Variants in PRKAR1A observed in about 807,000 individuals in gnomAD.
The protein encoded by PRKAR1A is cAMP-dependent protein kinase type I-alpha regulatory subunit.
In PRKAR1A, 3 loss-of-function variants were observed where a neutral mutation model predicts 52.0. That is an observed-to-expected ratio of 0.06 (90% CI 0.03 to 0.15). The LOEUF (loss-of-function observed/expected upper bound fraction) is 0.15. PRKAR1A is among the 10% of genes least tolerant of loss of function. The pLI is 1.00. For missense variants in PRKAR1A, 240 were observed against 477.4 expected (o/e 0.50, Z 4.63); for synonymous variants, 188 against 168.4 (o/e 1.12, Z -0.90).
downstream of PRKAR1A, among the ~76,000 whole-genome samples, chr17:68,534,391 A>T (rs1158526331): frequency 6.6e-6 from 1 of 152,146 alleles, no homozygotes. Flanking sequence ...CTACTTGCTA[A>T]ACTTTATTTG....
downstream of PRKAR1A, chr17:68,536,707 A>G (rs940475689): frequency 8.8e-6 from 4 of 453,828 alleles, no homozygotes; most frequent in East Asian, 2.8e-4. Context: ...GCCTGTTCCC[A>G]TGCCATCCTG....
intron 2 of PRKAR1A, among the ~76,000 whole-genome samples, chr17:68,519,181 A>G (rs11867767): frequency 0.31 from 46,755 of 151,976 alleles, 7,514 homozygotes; most frequent in East Asian, 0.56. Flanking sequence ...ATTTTTGGGT[A>G]TCCTTGTAAC....
At chr17:68,489,235 GTATATA>G in the PRKAR1A span, among the ~76,000 whole-genome samples, 1,109 of 10,004 alleles carry the variant, frequency 0.11, 193 homozygotes, top group African/African-American at 0.15. Flanking sequence ...TATATGGAAA[GTATATA>G]TATATATATA....
At chr17:68,533,775 C>T (rs965552800), downstream of PRKAR1A, among the ~76,000 whole-genome samples, 2 of 152,178 alleles carry the variant, frequency 1.3e-5, no homozygotes, top group African/African-American at 4.8e-5. Flanking sequence ...CTCTGTCACC[C>T]AGGCTAGAGT....
At chr17:68,478,018 T>A in the PRKAR1A span, among the ~76,000 whole-genome samples, 1 of 152,240 alleles carries the variant, frequency 6.6e-6, no homozygotes, top group African/African-American at 2.4e-5. Flanking sequence ...CCGCTGTGCC[T>A]GGCCTGGATT....
the PRKAR1A span, chr17:68,434,466 C>T: frequency 7.5e-7 from 1 of 1,335,726 alleles, no homozygotes. Context: ...GGGCACAGAG[C>T]CACTCTCTGT....
chr17:68,475,838 C>A, the PRKAR1A span, among the ~76,000 whole-genome samples: 1 of 152,100 alleles, frequency 6.6e-6, no homozygotes, highest in East Asian at 1.9e-4. Flanking sequence ...ATAGCCACTT[C>A]TTTGATACAT....
At chr17:68,433,651 T>A in the PRKAR1A span, 2 of 1,229,668 alleles carry the variant, frequency 1.6e-6, no homozygotes, top group Non-Finnish European at 1.2e-6. Flanking sequence ...AGATCAGCTT[T>A]ATAAGAAAAT....
chr17:68,488,734 C>CAAAAAAA, the PRKAR1A span, among the ~76,000 whole-genome samples: 4 of 42,716 alleles, frequency 9.4e-5, no homozygotes, highest in Admixed American at 5.4e-4. Context: ...CATCTCAAAA[C>CAAAAAAA]AAAAAAAAAA....
chr17:68,472,493 G>C, the PRKAR1A span, among the ~76,000 whole-genome samples: 2 of 152,046 alleles, frequency 1.3e-5, no homozygotes, highest in African/African-American at 4.8e-5. Context: ...AGGGTTTCCT[G>C]TCCAAAAAAC....
intron 11 of PRKAR1A, chr17:68,539,220 T>C: frequency 2.2e-6 from 2 of 922,612 alleles, no homozygotes. Context: ...TTCATGTCAT[T>C]CTACCCACTT....
the PRKAR1A span, chr17:68,421,811 A>G: frequency 5.0e-6 from 8 of 1,614,170 alleles, no homozygotes; most frequent in Non-Finnish European, 5.1e-6. Context: ...TTTCCACGGC[A>G]CAAGATTATC....
chr17:68,497,332 A>C, the PRKAR1A span, among the ~76,000 whole-genome samples: 1 of 152,156 alleles, frequency 6.6e-6, no homozygotes, highest in Non-Finnish European at 1.5e-5. Context: ...CAAAGTCTAA[A>C]ATAATTACCT....
chr17:68,518,138 C>G (rs1416336055), intron 2 of PRKAR1A, among the ~76,000 whole-genome samples: 1 of 152,234 alleles, frequency 6.6e-6, no homozygotes, highest in Non-Finnish European at 1.5e-5. Context: ...CTCCTGGCTG[C>G]TTCCATGGGC....
chr17:68,541,929 A>G (rs1480232698), intron 11 of PRKAR1A: 2 of 1,564,730 alleles, frequency 1.3e-6, no homozygotes, highest in African/African-American at 2.7e-5. Flanking sequence ...AGTCCCTGGT[A>G]CAGGGTCTGT....
the PRKAR1A span, among the ~76,000 whole-genome samples, chr17:68,414,593 AGGGTTG>A: frequency 6.6e-6 from 1 of 152,194 alleles, no homozygotes; most frequent in Non-Finnish European, 1.5e-5. Flanking sequence ...TAGTGTCAAA[AGGGTTG>A]GTACCAATTC....
chr17:68,538,595 T>C (rs2086163998), intron 11 of PRKAR1A, among the ~76,000 whole-genome samples: 1 of 152,274 alleles, frequency 6.6e-6, no homozygotes, highest in African/African-American at 2.4e-5. Context: ...GCAAGGGCCT[T>C]CGTGCCTTCT....
At position 68,533,424 on chromosome 17, in the gene PRKAR1A, AAAG is replaced by A. The variant is rs1254080608; in HGVS notation, c.*2978_*2980del. ...TTTAGAGTCACAATAAAATGTAACT[AAAG>A]AAAATTTCTCTGGGTTGACAGTCCT... is the stretch of plus-strand genomic sequence containing the variant. On this transcript the variant is annotated 3_prime_UTR_variant, in exon 11 of 11. Transcript: ENST00000589228. 2.3e-5 allele frequency: 24 copies of A among 1,056,556 alleles called. No individual in the cohort carries two copies. In the African/African-American group the frequency reaches 3.6e-4, roughly 16 times the overall value. 65.4% of individuals were successfully genotyped at this position (1,056,556 alleles called of 1,614,324 possible). A position where few individuals can be genotyped will look rare whatever the true frequency, so the allele number is the denominator to read the frequency against.
intron 1 of PRKAR1A, chr17:68,512,758 TGGCTTTGGTGCGG>T (rs2085300258): frequency 6.6e-6 from 1 of 152,162 alleles, no homozygotes. Context: ...GTCTGGGCGT[TGGCTTTGGTGCGG>T]GGCTCCCCAG....
Sources: allele counts gnomAD v4.1 joint callset (sites outside exome capture counted in the v4.1 genomes callset), GRCh38; gene constraint gnomAD v4.1.1; transcripts MANE v1.5; gene names NCBI Gene and HGNC (gene_info 2026-07-23, HGNC 2026-07-21).